Variants in ITPRID1 observed in about 807,000 individuals in gnomAD.
ITPRID1 encodes the protein protein ITPRID1.
ITPRID1 carries 96 observed loss-of-function variants against 95.4 expected under a neutral mutation model. That is an observed-to-expected ratio of 1.01 (90% CI 0.85 to 1.19). The LOEUF (loss-of-function observed/expected upper bound fraction) is 1.19. Among genes scored for constraint, ITPRID1 ranks in the 50% most tolerant of loss-of-function variants. ITPRID1 has a pLI of 0.00. For synonymous variants in ITPRID1, 510 were observed against 453.6 expected (o/e 1.12, Z -1.58); for missense variants, 1,339 against 1,252.9 (o/e 1.07, Z -1.04).
intron 1 of ITPRID1, among the ~76,000 whole-genome samples, chr7:31,541,186 G>T (rs899779091): frequency 3.3e-5 from 5 of 152,118 alleles, no homozygotes; most frequent in African/African-American, 1.2e-4. Context: ...ACTTTGAAAA[G>T]CAAAACAAAG....
At chr7:31,625,715 A>G (rs1788398127) in intron 10 of ITPRID1, among the ~76,000 whole-genome samples, 1 of 152,196 alleles carries the variant, frequency 6.6e-6, no homozygotes. Context: ...TGTCACATGT[A>G]TACATATGTA....
intron 1 of ITPRID1, among the ~76,000 whole-genome samples, chr7:31,537,095 T>TTGTGTGTGTGTGTGTGTGTG (rs66543091): frequency 6.9e-6 from 1 of 145,568 alleles, no homozygotes; most frequent in African/African-American, 2.6e-5. Flanking sequence ...GGTGTGTGTG[T>TTGTGTGTGTGTGTGTGTGTG]TGTGTGTGTG....
At position 31,654,656 on chromosome 7, in the gene ITPRID1, G is replaced by A. The variant is rs929795990; in HGVS notation, c.*1827G>A. Among the ~76,000 whole-genome samples the A allele has an allele frequency of 6.6e-6, 1 of 152,112 alleles. No homozygotes were observed. Among genetic ancestry groups the A allele is most frequent in the Non-Finnish European group, 1.5e-5 (1 of 68,010 alleles). ...GTGAGGCTCCCACCCCAGTGGAAAT[G>A]CAGGGAATGGCACACAAAGGCCAGA... is the stretch of plus-strand genomic sequence containing the variant. On this transcript the variant is annotated 3_prime_UTR_variant, in exon 15 of 15. Transcript: ENST00000615280.
rs1786605503 is a variant in ITPRID1, at chr7:31,606,009, C to T, written c.1228+22818C>T. ...CTTGGTCATGGACTGATGCATTAGC[C>T]AATAGGTTTTGAAATTTATTTTATA... On this transcript the variant is annotated intron_variant, in intron 10 of 14. Coordinates refer to ENST00000615280, the MANE Select transcript of ITPRID1 (RefSeq NM_001257967.3). Among the ~76,000 whole-genome samples, 3 of 152,194 alleles carry T rather than the reference C, an allele frequency of 2.0e-5. No individual in the cohort carries two copies. In the South Asian group the frequency reaches 6.2e-4, roughly 32 times the overall value.
At chr7:31,587,963 T>G (rs1489883829) in intron 10 of ITPRID1, among the ~76,000 whole-genome samples, 1 of 152,208 alleles carries the variant, frequency 6.6e-6, no homozygotes. Flanking sequence ...CTGGATCCCT[T>G]CCTTACACCT....
intron 10 of ITPRID1, among the ~76,000 whole-genome samples, chr7:31,637,810 C>T (rs148992394): frequency 0.021 from 3,247 of 152,198 alleles, 119 homozygotes; most frequent in African/African-American, 0.074. Context: ...AAGTCCTTGC[C>T]CATGCCTATG....
chr7:31,521,478 AC>A (rs1452646774), intron 1 of ITPRID1, among the ~76,000 whole-genome samples: 1 of 152,154 alleles, frequency 6.6e-6, no homozygotes, highest in African/African-American at 2.4e-5. Flanking sequence ...GTATTGCATA[AC>A]CTAGAATGCA....
intron 5 of ITPRID1, among the ~76,000 whole-genome samples, chr7:31,558,405 T>C (rs1784521071): frequency 6.6e-6 from 1 of 152,192 alleles, no homozygotes; most frequent in African/African-American, 2.4e-5. Flanking sequence ...CTTCTGACTC[T>C]TATGCATCAG....
intron 7 of ITPRID1, among the ~76,000 whole-genome samples, chr7:31,573,982 A>G (rs1457093332): frequency 2.0e-5 from 3 of 152,088 alleles, no homozygotes; most frequent in Non-Finnish European, 4.4e-5. Context: ...TTTCTTAGCC[A>G]AGTACAAAAA....
chr7:31,583,046 C>A, intron 9 of ITPRID1, 88 bp from the exon 10 acceptor site: 3 of 869,516 alleles, frequency 3.5e-6, no homozygotes. Context: ...TCCCTCTTAT[C>A]AGTTGCCAGT....
At chr7:31,626,814 C>T (rs1788509504) in intron 10 of ITPRID1, among the ~76,000 whole-genome samples, 1 of 152,200 alleles carries the variant, frequency 6.6e-6, no homozygotes, top group African/African-American at 2.4e-5. Flanking sequence ...AGCAGAGGCA[C>T]AGTCTTAGTC....
chr7:31,578,443 T>C lies in ITPRID1; in HGVS notation c.1170+9T>C. On this transcript the variant is annotated intron_variant, in intron 9 of 14. Transcript: ENST00000615280. ...CATTTGAAATGGAAGAGGTCAGTGC[T>C]GCACCAACGTACCAGCCTCCTAAGG... 1.3e-6 allele frequency: 2 copies of C among 1,565,102 alleles called. No homozygotes were observed. Among genetic ancestry groups the C allele is most frequent in the Admixed American group, 1.9e-5 (1 of 52,244 alleles).
intron 10 of ITPRID1, among the ~76,000 whole-genome samples, chr7:31,625,502 C>T (rs1788367859): frequency 6.6e-6 from 1 of 152,090 alleles, no homozygotes; most frequent in Non-Finnish European, 1.5e-5. Context: ...AATCATCATT[C>T]TCAATAAACT....
intron 12 of ITPRID1, among the ~76,000 whole-genome samples, chr7:31,647,701 G>GGAAGAA (rs78901984): frequency 5.0e-5 from 7 of 140,166 alleles, no homozygotes; most frequent in Non-Finnish European, 9.0e-5. Context: ...AAAAAGAAGA[G>GGAAGAA]GAAGAAGAAG....
At chr7:31,639,191 C>T (rs1411851691) in intron 10 of ITPRID1, among the ~76,000 whole-genome samples, 1 of 152,192 alleles carries the variant, frequency 6.6e-6, no homozygotes, top group Non-Finnish European at 1.5e-5. Flanking sequence ...AAAGCTTTCC[C>T]TCCTCTTTGG....
At chr7:31,591,428 A>C (rs955170627) in intron 10 of ITPRID1, among the ~76,000 whole-genome samples, 1 of 152,246 alleles carries the variant, frequency 6.6e-6, no homozygotes, top group African/African-American at 2.4e-5. Flanking sequence ...TTGAGAATCA[A>C]CAATGAGACA....
Position 31,651,152 on chromosome 7 carries a change from A to C in ITPRID1, c.2594A>C (p.His865Pro), listed in dbSNP as rs764592476. 1 of 1,613,324 alleles carries C rather than the reference A, an allele frequency of 6.2e-7. No homozygotes were observed. Among genetic ancestry groups the C allele is most frequent in the Non-Finnish European group, 8.5e-7 (1 of 1,179,416 alleles). The change falls in exon 13 of 15, where the codon CAT (histidine) becomes CCT (proline). Residue 865 changes from histidine to proline, a missense_variant. Transcript: ENST00000615280. ...TVRELCSCTV[H>P]EMEAMKTICQ... is the part of the protein sequence containing the mutation. ...TCTCATTGTTCTCAGTGCACAGTCC[A>C]TGAGATGGAAGCCATGAAGACGATA...
At chr7:31,633,175 G>A (rs1426976645) in intron 10 of ITPRID1, among the ~76,000 whole-genome samples, 5 of 151,786 alleles carry the variant, frequency 3.3e-5, no homozygotes, top group South Asian at 2.1e-4. Flanking sequence ...GTGAGCTACC[G>A]CGACCGGCCA....
At chr7:31,576,948 T>C (rs1452082349) in intron 8 of ITPRID1, among the ~76,000 whole-genome samples, 1 of 151,906 alleles carries the variant, frequency 6.6e-6, no homozygotes, top group African/African-American at 2.4e-5. Context: ...ACTGGCAATA[T>C]GTTCTCACTT....
Sources: allele counts gnomAD v4.1 joint callset (sites outside exome capture counted in the v4.1 genomes callset), GRCh38; gene constraint gnomAD v4.1.1; transcripts MANE v1.5; gene names NCBI Gene and HGNC (gene_info 2026-07-23, HGNC 2026-07-21).